ARHGEF3: variants seen among roughly 807,000 people sequenced by gnomAD.
ARHGEF3 encodes 59.8 kDA protein.
In ARHGEF3, 28 loss-of-function variants were observed where a neutral mutation model predicts 63.2. The observed-to-expected ratio is 0.44, with a 90% CI of 0.33 to 0.61. The LOEUF (loss-of-function observed/expected upper bound fraction) is 0.61, where lower values mean the gene tolerates loss of function less well. ARHGEF3 is among the 20% of genes least tolerant of loss of function. ARHGEF3 has a pLI of 0.03. For synonymous variants in ARHGEF3, 266 were observed against 254.2 expected (o/e 1.05, Z -0.44); for missense variants, 533 against 659.3 (o/e 0.81, Z 2.10).
rs374677472 is a variant in ARHGEF3, at chr3:56,773,826, TAA to T, written c.97-12_97-11del. 10,987 of 1,339,054 alleles carry T rather than the reference TAA, an allele frequency of 8.2e-3. No individual in the cohort carries two copies. The highest frequency in any genetic ancestry group is 0.015 in the Admixed American group (622 of 41,028). The allele number at this position is 1,339,054 out of a possible 1,614,324, so 82.9% of individuals were successfully genotyped here. A position where few individuals can be genotyped will look rare whatever the true frequency, so the allele number is the denominator to read the frequency against. On this transcript the variant is annotated splice_polypyrimidine_tract_variant and intron_variant, in intron 1 of 9. Coordinates refer to ENST00000296315, the MANE Select transcript of ARHGEF3 (RefSeq NM_019555.3). Reference sequence around the variant, plus strand: ...GTTTATTACTAGGCTCCTATAGAGTTAAAAAAAAAAAAAAGTAAAATGTCAAG... The same window carrying T: ...GTTTATTACTAGGCTCCTATAGAGTTAAAAAAAAAAAAGTAAAATGTCAAG...
intron 2 of ARHGEF3, among the ~76,000 whole-genome samples, chr3:56,977,974 A>T (rs1701186355): frequency 6.6e-6 from 1 of 152,164 alleles, no homozygotes; most frequent in Non-Finnish European, 1.5e-5. Flanking sequence ...TTCCAGCTCA[A>T]CAGCCTGACA....
chr3:56,758,535 C>T (rs188637830), intron 2 of ARHGEF3, among the ~76,000 whole-genome samples: 116 of 152,226 alleles, frequency 7.6e-4, no homozygotes, highest in African/African-American at 2.7e-3. Context: ...GGAAGCAGGA[C>T]GCTCACTCTG....
intron 2 of ARHGEF3, 43 bp downstream of exon 2, chr3:56,773,666 A>G (rs568240079): frequency 1.3e-6 from 2 of 1,490,688 alleles, no homozygotes; most frequent in South Asian, 2.6e-5. Flanking sequence ...CTTCCCGTAC[A>G]CCATGATTTT....
chr3:56,956,833 T>A (rs1055439108), intron 3 of ARHGEF3, among the ~76,000 whole-genome samples: 5 of 152,184 alleles, frequency 3.3e-5, no homozygotes, highest in Non-Finnish European at 7.3e-5. Context: ...GAGATCTAAT[T>A]TCTCTATAGT....
At chr3:56,902,345 G>C (rs1004426173) in intron 3 of ARHGEF3, among the ~76,000 whole-genome samples, 2 of 152,164 alleles carry the variant, frequency 1.3e-5, no homozygotes, top group Admixed American at 1.3e-4. Flanking sequence ...TGTGTGGATA[G>C]ATGGATGGAG....
intron 2 of ARHGEF3, among the ~76,000 whole-genome samples, chr3:56,973,718 A>G (rs1470438369): frequency 6.6e-6 from 1 of 152,110 alleles, no homozygotes; most frequent in Non-Finnish European, 1.5e-5. Flanking sequence ...CAAATTTGGC[A>G]AAGCAGAGAC....
At chr3:56,979,652 C>T (rs755199837) in intron 2 of ARHGEF3, among the ~76,000 whole-genome samples, 6 of 152,216 alleles carry the variant, frequency 3.9e-5, no homozygotes, top group African/African-American at 4.8e-5. Context: ...TATCCTAGAT[C>T]GCCTCTCAGC....
intron 1 of ARHGEF3, among the ~76,000 whole-genome samples, chr3:57,041,554 T>G (rs1704187318): frequency 6.6e-6 from 1 of 152,052 alleles, no homozygotes. Flanking sequence ...AATATATATA[T>G]ACTAAGAAAA....
At chr3:57,029,202 A>G (rs989941469) in intron 2 of ARHGEF3, among the ~76,000 whole-genome samples, 18 of 152,274 alleles carry the variant, frequency 1.2e-4, no homozygotes, top group African/African-American at 4.3e-4. Context: ...AGGCCGAGGC[A>G]GGCAGATCAC....
intron 3 of ARHGEF3, among the ~76,000 whole-genome samples, chr3:56,957,249 CT>C: frequency 6.6e-6 from 1 of 152,156 alleles, no homozygotes; most frequent in East Asian, 1.9e-4. Context: ...GTAACCTGAG[CT>C]AAAATAGTTC....
chr3:56,772,101 T>C (rs1487872582), intron 2 of ARHGEF3, among the ~76,000 whole-genome samples: 1 of 152,182 alleles, frequency 6.6e-6, no homozygotes, highest in Non-Finnish European at 1.5e-5. Context: ...CTTTCCTCCA[T>C]TCTCCCACAA....
chr3:57,044,804 G>A (rs17057635), intron 1 of ARHGEF3, among the ~76,000 whole-genome samples: 4,475 of 152,202 alleles, frequency 0.029, 208 homozygotes, highest in African/African-American at 0.1. Flanking sequence ...TACCACAAGC[G>A]GTCAACCCCT....
At position 56,770,177 on chromosome 3, in the gene ARHGEF3, C is replaced by T. The variant is rs942729090; in HGVS notation, c.204+3532G>A. Among the ~76,000 whole-genome samples the T allele has an allele frequency of 9.2e-5, 14 of 152,236 alleles. 1 individual carries two copies. In the South Asian group the frequency reaches 2.7e-3, roughly 29 times the overall value. The stretch of plus-strand genomic sequence containing the variant: ...TCTGTAATCCCAGCACTTTGGGAGG[C>T]TGAGCTGGCGGATTACCTAAGGTCA... On this transcript the variant is annotated intron_variant, in intron 2 of 9. Coordinates refer to ENST00000296315, the MANE Select transcript of ARHGEF3 (RefSeq NM_019555.3).
At chr3:56,824,865 G>A (rs770611498) in intron 4 of ARHGEF3, among the ~76,000 whole-genome samples, 7 of 152,164 alleles carry the variant, frequency 4.6e-5, no homozygotes, top group Non-Finnish European at 8.8e-5. Context: ...GATATAACAG[G>A]ATTCTCAGAG....
intron 1 of ARHGEF3, among the ~76,000 whole-genome samples, chr3:57,040,270 C>G (rs561723912): frequency 5.3e-5 from 8 of 152,012 alleles, no homozygotes; most frequent in East Asian, 1.9e-4. Flanking sequence ...GAGGTCAGGA[C>G]ATTGAGACCA....
chr3:57,037,876 A>AAAAACAAAAC (rs10655156), intron 1 of ARHGEF3, among the ~76,000 whole-genome samples: 41,206 of 146,398 alleles, frequency 0.28, 6,252 homozygotes, highest in Middle Eastern at 0.34. Flanking sequence ...CTCCGTCTCA[A>AAAAACAAAAC]AAAACAAAAC....
At chr3:56,811,572 G>C (rs779905680) in intron 4 of ARHGEF3, among the ~76,000 whole-genome samples, 1 of 152,168 alleles carries the variant, frequency 6.6e-6, no homozygotes, top group African/African-American at 2.4e-5. Flanking sequence ...CTTCACAAAG[G>C]GGCTAGTTGG....
chr3:56,833,122 T>G (rs1473625334), intron 4 of ARHGEF3, among the ~76,000 whole-genome samples: 1 of 152,202 alleles, frequency 6.6e-6, no homozygotes, highest in Non-Finnish European at 1.5e-5. Context: ...GTGGAATAGT[T>G]GTGTCATATG....
intron 3 of ARHGEF3, among the ~76,000 whole-genome samples, chr3:56,936,249 C>A (rs908284067): frequency 3.3e-5 from 5 of 152,148 alleles, no homozygotes; most frequent in Middle Eastern, 3.4e-3. Flanking sequence ...GGAGGAGACA[C>A]CGGGAGCAGA....
Sources: gnomAD v4.1 joint callset for allele counts (sites outside exome capture counted in the v4.1 genomes callset) on GRCh38, gnomAD v4.1.1 for gene constraint, MANE v1.5 for transcripts, NCBI Gene and HGNC (gene_info 2026-07-23, HGNC 2026-07-21) for gene names.